Variants in CAMSAP1 observed in about 807,000 individuals in gnomAD.
CAMSAP1 encodes calmodulin-regulated spectrin-associated protein 1.
Under a neutral mutation model 143.5 loss-of-function variants are expected in CAMSAP1, and 58 were observed. The ratio of observed to expected loss-of-function variants is 0.40; its 90% CI spans 0.33 to 0.50. CAMSAP1 has a LOEUF of 0.50. Ranked by LOEUF, CAMSAP1 falls within the 20% of genes least tolerant of loss-of-function variation. The probability of loss-of-function intolerance (pLI) is 0.45; values close to 1 mark genes in which losing one functional copy is unlikely to be tolerated. For missense variants in CAMSAP1, 1,969 were observed against 2,115.7 expected, an observed-to-expected ratio of 0.93 and a Z score of 1.36; for synonymous variants, 945 against 859.3, an observed-to-expected ratio of 1.10 and a Z score of -1.74.
intron 1 of CAMSAP1, among the ~76,000 whole-genome samples, chr9:135,892,762 A>G (rs981702791): frequency 5.4e-5 from 8 of 149,484 alleles, no homozygotes; most frequent in Non-Finnish European, 8.9e-5. Flanking sequence ...GAGGCAGGAG[A>G]ATCTCTTGAA....
intron 1 of CAMSAP1, among the ~76,000 whole-genome samples, chr9:135,899,849 G>T (rs528179854): frequency 6.6e-6 from 1 of 152,130 alleles, no homozygotes; most frequent in East Asian, 1.9e-4. Flanking sequence ...TCCCTCAGGG[G>T]AGTCTCCCTC....
chr9:135,821,594 A>G lies in CAMSAP1; in HGVS notation c.3067T>C (p.Ser1023Pro). 6.2e-7 allele frequency: 1 copy of G among 1,613,886 alleles called. No individual in the cohort carries two copies. The highest frequency in any genetic ancestry group is 8.5e-7 in the Non-Finnish European group (1 of 1,179,858). Residue 1023 changes from serine (S) to proline (P), a missense_variant, in exon 11 of 17, where the codon TCC (serine) becomes CCC (proline). Coordinates refer to ENST00000389532, the MANE Select transcript of CAMSAP1 (RefSeq NM_015447.4). This position sits in a 1 kb window ranked among gnomAD's most constrained non-coding sequence, Gnocchi z 4.6. ...EVVDVNECDLSIEKLNETIST... is the reference protein window; with the variant it reads ...EVVDVNECDLPIEKLNETIST... Reference sequence around the variant, plus strand: ...ATGGTTTCGTTAAGCTTCTCGATGGAAAGGTCACATTCATTCACGTCGACA... The same window carrying G: ...ATGGTTTCGTTAAGCTTCTCGATGGGAAGGTCACATTCATTCACGTCGACA...
At chr9:135,853,859 CCA>C (rs1279518940) in intron 5 of CAMSAP1, among the ~76,000 whole-genome samples, 11 of 152,230 alleles carry the variant, frequency 7.2e-5, no homozygotes, top group Non-Finnish European at 1.6e-4. Flanking sequence ...CCTATGAGGT[CCA>C]ATCAAGTCCC....
Position 135,821,229 on chromosome 9 carries a change from C to T in CAMSAP1, c.3432G>A (p.Thr1144=), listed in dbSNP as rs757422560. ...RPFPASSHPR[T]PTDPGLDSAL... The stretch of plus-strand genomic sequence containing the variant: ...CACTGTCCAGGCCAGGGTCCGTGGG[C>T]GTCCGAGGGTGGCTGCTGGCAGGGA... The change falls in exon 11 of 17, where the codon ACG becomes ACA. Residue 1144 remains threonine (T), a synonymous_variant. Coordinates refer to ENST00000389532, the MANE Select transcript of CAMSAP1 (RefSeq NM_015447.4). The surrounding 1 kb of genome is among the most constrained non-coding windows in gnomAD (Gnocchi z 4.6). 12 of 1,608,108 alleles carry T rather than the reference C, an allele frequency of 7.5e-6. No homozygotes were observed. The Admixed American group carries it at 1.0e-4, about 13-fold the overall frequency.
chr9:135,843,220 G>A (rs371580364), intron 7 of CAMSAP1, among the ~76,000 whole-genome samples: 10 of 152,084 alleles, frequency 6.6e-5, no homozygotes, highest in African/African-American at 2.2e-4. Context: ...CCAGCTACTC[G>A]GGAGGCTGAG....
At chr9:135,897,989 C>A (rs1280099918) in intron 1 of CAMSAP1, among the ~76,000 whole-genome samples, 1 of 152,086 alleles carries the variant, frequency 6.6e-6, no homozygotes, top group African/African-American at 2.4e-5. Context: ...AATGAAAAAA[C>A]AACATATATG....
At chr9:135,836,828 C>T (rs59549217) in intron 7 of CAMSAP1, 1 of 984,194 alleles carries the variant, frequency 1.0e-6, no homozygotes, top group Non-Finnish European at 1.2e-6. Context: ...GACATGTCAC[C>T]ACACACTTCT....
At position 135,897,116 on chromosome 9, in the gene CAMSAP1, CA is replaced by C. The variant is rs1838479657; in HGVS notation, c.160+9883del. ...CAAGACCCTCAGAGGATTCCAGAAA[CA>C]AAATATATACATATAGGGCTCAGTA... On this transcript the variant is annotated intron_variant, in intron 1 of 16. Coordinates refer to ENST00000389532, the MANE Select transcript of CAMSAP1 (RefSeq NM_015447.4). Among the ~76,000 whole-genome samples, 7 of 152,278 alleles carry C rather than the reference CA, an allele frequency of 4.6e-5. No individual in the cohort carries two copies. In the South Asian group the frequency reaches 1.2e-3, roughly 27 times the overall value.
At chr9:135,836,781 G>C in intron 7 of CAMSAP1, 1 of 979,928 alleles carries the variant, frequency 1.0e-6, no homozygotes, top group South Asian at 4.7e-5. Flanking sequence ...CTGTTCTACA[G>C]ACACACATCA....
chr9:135,814,981 T>G, intron 16 of CAMSAP1, 116 bp downstream of exon 16: 1 of 763,132 alleles, frequency 1.3e-6, no homozygotes, highest in Non-Finnish European at 2.1e-6. Context: ...AAATCTGCAT[T>G]CTCCCTAGTA....
At chr9:135,869,607 G>T (rs2130952228) in intron 3 of CAMSAP1, among the ~76,000 whole-genome samples, 1 of 151,888 alleles carries the variant, frequency 6.6e-6, no homozygotes, top group East Asian at 1.9e-4. Context: ...TGGCACAGCT[G>T]CTGTGGAAGA....
At chr9:135,886,720 G>A (rs1449267069) in intron 1 of CAMSAP1, among the ~76,000 whole-genome samples, 2 of 152,202 alleles carry the variant, frequency 1.3e-5, no homozygotes, top group Non-Finnish European at 2.9e-5. Context: ...GGAGCTCCCC[G>A]TAAACAAGAG....
At chr9:135,863,870 G>A (rs1588484663) in intron 4 of CAMSAP1, among the ~76,000 whole-genome samples, 2 of 152,150 alleles carry the variant, frequency 1.3e-5, no homozygotes, top group Non-Finnish European at 2.9e-5. Flanking sequence ...CAGCAGACAC[G>A]TGAGGGGGGA....
rs921700122 is a variant in CAMSAP1 at position 135,836,325 on chromosome 9, C to T, written c.1046-8741G>A. The T allele has an allele frequency of 2.0e-5, 20 of 984,680 alleles. No homozygotes were observed. In the South Asian group the frequency reaches 6.6e-4, roughly 32 times the overall value. 61.0% of individuals were successfully genotyped at this position (984,680 alleles called of 1,614,324 possible). On this transcript the variant is annotated intron_variant, in intron 7 of 16. Coordinates refer to ENST00000389532, the MANE Select transcript of CAMSAP1 (RefSeq NM_015447.4). ...CCTGTTCTACAGACACACGTCACCACGCGCCTTCTACCCATTCCGCAGCCA... is the reference window on the plus strand; with the variant it reads ...CCTGTTCTACAGACACACGTCACCATGCGCCTTCTACCCATTCCGCAGCCA...
In CAMSAP1 at chr9:135,824,903, G is replaced by A. The variant is rs751417215; in HGVS notation, c.1224-23C>T. The A allele has an allele frequency of 3.4e-5, 53 of 1,543,866 alleles. No homozygotes were observed. In the African/African-American group the frequency reaches 6.4e-4, roughly 19 times the overall value. On this transcript the variant is annotated intron_variant, in intron 8 of 16. Coordinates refer to ENST00000389532, the MANE Select transcript of CAMSAP1 (RefSeq NM_015447.4). This position sits in a 1 kb window ranked among gnomAD's most constrained non-coding sequence, Gnocchi z 4.1. ...CCGCTAAATGGAAAAAGAATTACAG[G>A]GAAAATCATTCCTTTATCAAACTTC...
At chr9:135,901,434 C>G (rs1838613762) in intron 1 of CAMSAP1, among the ~76,000 whole-genome samples, 1 of 152,004 alleles carries the variant, frequency 6.6e-6, no homozygotes, top group Non-Finnish European at 1.5e-5. Flanking sequence ...GAAAACTCCA[C>G]CTCTACAAAA....
intron 1 of CAMSAP1, among the ~76,000 whole-genome samples, chr9:135,897,430 G>C (rs568325108): frequency 6.6e-6 from 1 of 152,122 alleles, no homozygotes; most frequent in South Asian, 2.1e-4. Flanking sequence ...CTTGGATTAC[G>C]GGTGTGAACC....
At chr9:135,838,553 T>C (rs111732840) in intron 7 of CAMSAP1, among the ~76,000 whole-genome samples, 2,153 of 97,110 alleles carry the variant, frequency 0.022, 78 homozygotes, top group African/African-American at 0.078. Flanking sequence ...CACATCATCA[T>C]GCACTTTCCA....
At position 135,907,131 on chromosome 9, in the gene CAMSAP1, G is replaced by C; in HGVS notation, c.29C>G (p.Ala10Gly). The change falls in exon 1 of 17, where the codon GCC (alanine) becomes GGC (glycine). Residue 10 changes from alanine to glycine, a missense_variant. This residue lies in a region of CAMSAP1 where 215 missense variants were observed against 196.2 expected (regional missense o/e 1.10). Coordinates refer to ENST00000389532, the MANE Select transcript of CAMSAP1 (RefSeq NM_015447.4). ...GGCCTCCATCTTCCTCCAGCCCTCG[G>C]CGGCGGCGCGGCCGCTCGCGTCCAC... is the stretch of plus-strand genomic sequence containing the variant. MVDASGRAA[A>G]EGWRKMEAPP... is the part of the protein sequence containing the mutation. 1.8e-6 allele frequency: 2 copies of C among 1,117,186 alleles called. No homozygotes were observed. Among genetic ancestry groups the C allele is most frequent in the Non-Finnish European group, 2.2e-6 (2 of 911,878 alleles). 69.2% of individuals were successfully genotyped at this position (1,117,186 alleles called of 1,614,324 possible).
Sources: gnomAD v4.1 joint callset for allele counts (sites outside exome capture counted in the v4.1 genomes callset) on GRCh38, gnomAD v4.1.1 for gene constraint, gnomAD v4.1.1 regional missense constraint, Gnocchi (gnomAD v3.1) non-coding constraint, MANE v1.5 for transcripts, NCBI Gene and HGNC (gene_info 2026-07-23, HGNC 2026-07-21) for gene names.